TCF12: variants seen among roughly 807,000 people sequenced by gnomAD.
The protein encoded by TCF12 is transcription factor 12.
In TCF12, 45 loss-of-function variants were observed where a neutral mutation model predicts 86.0. The observed-to-expected ratio is 0.52, with a 90% CI of 0.41 to 0.67. The LOEUF is 0.67. Among genes scored for constraint, TCF12 ranks in the 30% least tolerant of loss-of-function variants. The probability of loss-of-function intolerance (pLI) is 0.00; values close to 1 mark genes in which losing one functional copy is unlikely to be tolerated. For synonymous variants in TCF12, 330 were observed against 299.6 expected (o/e 1.10, Z -1.05); for missense variants, 881 against 859.9 (o/e 1.02, Z -0.31).
chr15:57,204,834 A>G (rs1182348693), intron 8 of TCF12, among the ~76,000 whole-genome samples: 1 of 152,146 alleles, frequency 6.6e-6, no homozygotes, highest in Non-Finnish European at 1.5e-5. Flanking sequence ...TTTTAAAACT[A>G]TGATTTAAGA....
intron 3 of TCF12, among the ~76,000 whole-genome samples, chr15:56,946,299 T>C (rs982783545): frequency 5.3e-5 from 8 of 152,156 alleles, no homozygotes; most frequent in African/African-American, 1.9e-4. Context: ...TCCTTCTCTT[T>C]ACAAGTCAGT....
intron 5 of TCF12, among the ~76,000 whole-genome samples, chr15:57,114,447 C>T (rs1317642020): frequency 6.6e-6 from 1 of 152,120 alleles, no homozygotes; most frequent in Non-Finnish European, 1.5e-5. Flanking sequence ...CACACCACCA[C>T]ACCTAGCTAA....
chr15:56,957,535 T>C (rs1479119743), intron 3 of TCF12, among the ~76,000 whole-genome samples: 1 of 151,942 alleles, frequency 6.6e-6, no homozygotes, highest in Admixed American at 6.5e-5. Flanking sequence ...TCATACATTA[T>C]GGTTTTCACC....
upstream of TCF12, chr15:56,918,431 G>C: frequency 2.8e-6 from 1 of 351,526 alleles, no homozygotes. Context: ...TTCTCGAGGT[G>C]CCTGCGAGCG....
In TCF12 at chr15:57,288,097, C is replaced by T. The variant is rs988452066; in HGVS notation, c.*1952C>T. 6 of 152,496 alleles carry T rather than the reference C, an allele frequency of 3.9e-5. No individual in the cohort carries two copies. Among genetic ancestry groups the T allele is most frequent in the Non-Finnish European group, 8.8e-5 (6 of 67,998 alleles). 9.4% of individuals were successfully genotyped at this position (152,496 alleles called of 1,614,324 possible). On this transcript the variant is annotated 3_prime_UTR_variant, in exon 21 of 21. Transcript: ENST00000333725. ...ATCTTGTAAGAAAATTTCTTGAATT[C>T]TAAATATTACTCTTTCTAGATTTTT...
rs891007697 is a variant in TCF12, at chr15:57,199,858, T to C, written c.579+2033T>C. Among the ~76,000 whole-genome samples, 10 of 152,258 alleles carry C rather than the reference T, an allele frequency of 6.6e-5. No homozygotes were observed. The East Asian group carries it at 1.9e-3, about 29-fold the overall frequency. On this transcript the variant is annotated intron_variant, in intron 8 of 20. Transcript: ENST00000333725. Reference sequence around the variant, plus strand: ...AAAGTATGTTTTAGATAAAATGCTGTGTTGAAACCTCAGGGTCTTTTTGTT... The same window carrying C: ...AAAGTATGTTTTAGATAAAATGCTGCGTTGAAACCTCAGGGTCTTTTTGTT...
At position 57,063,356 on chromosome 15, in the gene TCF12, T is replaced by A. The variant is rs370018202; in HGVS notation, c.149-394T>A. Among the ~76,000 whole-genome samples, 26 of 152,216 alleles carry A rather than the reference T, an allele frequency of 1.7e-4. 1 individual carries two copies. The East Asian group carries it at 3.7e-3, about 21-fold the overall frequency. On this transcript the variant is annotated intron_variant, in intron 3 of 20. Coordinates refer to ENST00000333725, the MANE Select transcript of TCF12 (RefSeq NM_207037.2). ...TGAATGATTGTTTGTCTTGCTTCAT[T>A]TTCTAGGGCTTAACTATGAAAAATG...
chr15:56,941,688 T>C (rs113371802), intron 3 of TCF12, among the ~76,000 whole-genome samples: 37 of 102,762 alleles, frequency 3.6e-4, no homozygotes, highest in South Asian at 1.3e-3. Flanking sequence ...TCTTCTTCTT[T>C]TTTTTTTTTT....
upstream of TCF12, chr15:56,918,298 C>T (rs1251635819): frequency 2.2e-6 from 1 of 454,984 alleles, no homozygotes. Flanking sequence ...ACAGCTGTGT[C>T]TCCGTCGCTC....
intron 3 of TCF12, among the ~76,000 whole-genome samples, chr15:57,007,065 A>T (rs1388034440): frequency 6.6e-6 from 1 of 152,192 alleles, no homozygotes; most frequent in Non-Finnish European, 1.5e-5. Flanking sequence ...AGGTTAATGA[A>T]ATGTTTTAAA....
intron 3 of TCF12, among the ~76,000 whole-genome samples, chr15:56,964,397 T>C (rs1261854112): frequency 1.3e-5 from 2 of 152,210 alleles, no homozygotes; most frequent in Non-Finnish European, 2.9e-5. Context: ...ATCCTTATCT[T>C]ACCTCACCAA....
chr15:57,169,643 A>G (rs1233534868), intron 6 of TCF12, among the ~76,000 whole-genome samples: 4 of 152,186 alleles, frequency 2.6e-5, no homozygotes, highest in Non-Finnish European at 5.9e-5. Flanking sequence ...AGAGACCTAA[A>G]TGTTTGAGAG....
chr15:56,961,852 T>C (rs1451099677), intron 3 of TCF12, among the ~76,000 whole-genome samples: 3 of 152,224 alleles, frequency 2.0e-5, no homozygotes, highest in South Asian at 2.1e-4. Flanking sequence ...ATATAAAATA[T>C]GTTTAATGGG....
intron 3 of TCF12, among the ~76,000 whole-genome samples, chr15:56,979,837 TGAAAA>T (rs1464537763): frequency 2.6e-5 from 4 of 152,206 alleles, no homozygotes; most frequent in African/African-American, 9.7e-5. Flanking sequence ...ACCTGTACCC[TGAAAA>T]TCTTCATTAC....
chr15:57,019,716 G>A (rs1328814873), intron 3 of TCF12, among the ~76,000 whole-genome samples: 2 of 151,736 alleles, frequency 1.3e-5, no homozygotes, highest in Admixed American at 1.3e-4. Context: ...CAAAAGACCA[G>A]CCTTAGGTTC....
chr15:57,181,508 C>G (rs994923501), intron 6 of TCF12, among the ~76,000 whole-genome samples: 1 of 151,988 alleles, frequency 6.6e-6, no homozygotes, highest in Non-Finnish European at 1.5e-5. Flanking sequence ...CCTACAAAAT[C>G]ATATTTAGAG....
Position 57,166,567 on chromosome 15 carries a change from C to T in TCF12, c.390+101C>T, listed in dbSNP as rs1567550086. On this transcript the variant is annotated intron_variant, in intron 6 of 20. Transcript: ENST00000333725. Reference sequence around the variant, plus strand: ...AGAAATTATCCAATTTATTTCACTACTGTTTGTTTAATTTGTAACTAAGTG... The same window carrying T: ...AGAAATTATCCAATTTATTTCACTATTGTTTGTTTAATTTGTAACTAAGTG... 5 of 1,059,090 alleles carry T rather than the reference C, an allele frequency of 4.7e-6. No homozygotes were observed. The South Asian group carries it at 7.0e-5, about 15-fold the overall frequency. The allele number at this position is 1,059,090 out of a possible 1,614,324, so 65.6% of individuals were successfully genotyped here.
intron 4 of TCF12, among the ~76,000 whole-genome samples, chr15:57,064,227 G>T (rs187082047): frequency 1.0e-3 from 157 of 152,158 alleles, no homozygotes; most frequent in Non-Finnish European, 2.1e-3. Flanking sequence ...TTTGCATCAG[G>T]AACTCAACAG....
At chr15:57,128,746 T>A (rs1844270140) in intron 5 of TCF12, among the ~76,000 whole-genome samples, 1 of 152,186 alleles carries the variant, frequency 6.6e-6, no homozygotes, top group Admixed American at 6.5e-5. Context: ...CTGTATAGAT[T>A]TGCCTATTCT....
Sources: gnomAD v4.1 joint callset for allele counts (sites outside exome capture counted in the v4.1 genomes callset) on GRCh38, gnomAD v4.1.1 for gene constraint, MANE v1.5 for transcripts, NCBI Gene and HGNC (gene_info 2026-07-23, HGNC 2026-07-21) for gene names.